The following PLCB4 variants were observed in gnomAD, a reference collection of about 807,000 sequenced individuals.
The protein encoded by PLCB4 is 1-phosphatidylinositol 4,5-bisphosphate phosphodiesterase beta-4.
Under a neutral mutation model 178.8 loss-of-function variants are expected in PLCB4, and 77 were observed. The ratio of observed to expected loss-of-function variants is 0.43; its 90% CI spans 0.36 to 0.52. The LOEUF (loss-of-function observed/expected upper bound fraction) is 0.52. Ranked by LOEUF, PLCB4 falls within the 20% of genes least tolerant of loss-of-function variation. The pLI is 0.00. For synonymous variants in PLCB4, 496 were observed against 490.8 expected, an observed-to-expected ratio of 1.01 and a Z score of -0.14; for missense variants, 1,024 against 1,453.4, an observed-to-expected ratio of 0.70 and a Z score of 4.80.
chr20:9,316,296 C>T (rs1321330953), intron 4 of PLCB4, among the ~76,000 whole-genome samples: 1 of 152,136 alleles, frequency 6.6e-6, no homozygotes, highest in Non-Finnish European at 1.5e-5. Flanking sequence ...ACAAGCCCTT[C>T]AAGGAAGTCC....
intron 35 of PLCB4, among the ~76,000 whole-genome samples, chr20:9,460,179 G>C (rs1340327655): frequency 6.6e-6 from 1 of 152,214 alleles, no homozygotes; most frequent in Non-Finnish European, 1.5e-5. Context: ...AGTTAAGTCA[G>C]ATAACAAAGT....
At chr20:9,085,611 T>A (rs2090372879) in intron 1 of PLCB4, among the ~76,000 whole-genome samples, 1 of 152,184 alleles carries the variant, frequency 6.6e-6, no homozygotes. Flanking sequence ...TACTTTTAAA[T>A]TCTGCCTTAT....
intron 3 of PLCB4, among the ~76,000 whole-genome samples, chr20:9,296,611 A>G (rs2094638453): frequency 6.6e-6 from 1 of 152,160 alleles, no homozygotes; most frequent in Admixed American, 6.5e-5. Flanking sequence ...ACCAACCCAA[A>G]TGTCCAACAA....
chr20:9,074,987 C>T (rs2089778626), intron 1 of PLCB4, among the ~76,000 whole-genome samples: 1 of 152,082 alleles, frequency 6.6e-6, no homozygotes, highest in Non-Finnish European at 1.5e-5. Context: ...CTCTGCTTTA[C>T]ATAGTATTAT....
intron 12 of PLCB4, among the ~76,000 whole-genome samples, chr20:9,374,503 G>T (rs1194054618): frequency 6.6e-6 from 1 of 152,036 alleles, no homozygotes; most frequent in African/African-American, 2.4e-5. Context: ...CATGCACTTT[G>T]GTTCAGTGAT....
intron 3 of PLCB4, among the ~76,000 whole-genome samples, chr20:9,286,326 T>C (rs1377066651): frequency 6.6e-6 from 1 of 152,042 alleles, no homozygotes; most frequent in African/African-American, 2.4e-5. Context: ...TACTTCTTTG[T>C]AAAAGTTTTG....
At chr20:9,474,213 T>TAA (rs1158108140) in intron 38 of PLCB4, among the ~76,000 whole-genome samples, 1 of 130,262 alleles carries the variant, frequency 7.7e-6, no homozygotes. Context: ...TGACTCCATC[T>TAA]CAAAAAAAAA....
intron 7 of PLCB4, among the ~76,000 whole-genome samples, chr20:9,358,681 G>A (rs942105382): frequency 1.1e-4 from 17 of 152,066 alleles, no homozygotes; most frequent in Admixed American, 7.9e-4. Flanking sequence ...GATCATCTGA[G>A]GTCAGGAGTT....
intron 9 of PLCB4, 187 bp from the exon 10 acceptor site, chr20:9,371,027 T>A: frequency 1.8e-6 from 1 of 566,176 alleles, no homozygotes; most frequent in Non-Finnish European, 3.2e-6. Flanking sequence ...ACTAACCAGC[T>A]CTGGGAACCA....
At chr20:9,473,391 C>A in intron 38 of PLCB4, 26 bp downstream of exon 38, 1 of 1,351,918 alleles carries the variant, frequency 7.4e-7, no homozygotes, top group Non-Finnish European at 1.0e-6. Flanking sequence ...TACGTAAAAA[C>A]ATGCAGGCAG....
intron 2 of PLCB4, among the ~76,000 whole-genome samples, chr20:9,196,945 T>C (rs1020499678): frequency 6.6e-6 from 1 of 152,198 alleles, no homozygotes; most frequent in Non-Finnish European, 1.5e-5. Flanking sequence ...CCAGAGGGAA[T>C]ATAAGAGATG....
At chr20:9,381,453 CAAT>C (rs1301108610) in intron 13 of PLCB4, among the ~76,000 whole-genome samples, 1 of 152,170 alleles carries the variant, frequency 6.6e-6, no homozygotes, top group African/African-American at 2.4e-5. Flanking sequence ...GAATTCAAAA[CAAT>C]AAGAAATGTC....
intron 2 of PLCB4, among the ~76,000 whole-genome samples, chr20:9,149,329 A>G (rs2092651879): frequency 6.6e-6 from 1 of 152,128 alleles, no homozygotes; most frequent in Admixed American, 6.6e-5. Context: ...GTTAGGGAAG[A>G]TAGCAGCTCT....
At chr20:9,258,398 G>C (rs1420728011) in intron 3 of PLCB4, among the ~76,000 whole-genome samples, 2 of 152,070 alleles carry the variant, frequency 1.3e-5, no homozygotes, top group African/African-American at 4.8e-5. Context: ...CCAGAAATGG[G>C]AGTGGGGTGG....
intron 7 of PLCB4, among the ~76,000 whole-genome samples, chr20:9,352,182 A>T (rs1265031839): frequency 6.6e-6 from 1 of 152,190 alleles, no homozygotes; most frequent in Non-Finnish European, 1.5e-5. Context: ...ATTTCTGGGG[A>T]TGTAGGAATG....
At chr20:9,131,474 C>A (rs191977617) in intron 2 of PLCB4, among the ~76,000 whole-genome samples, 13 of 152,254 alleles carry the variant, frequency 8.5e-5, no homozygotes, top group Admixed American at 6.5e-5. Flanking sequence ...AGATTGGCTC[C>A]TTTGAGTGCA....
At chr20:9,098,061 C>G (rs574528924) in intron 2 of PLCB4, among the ~76,000 whole-genome samples, 9 of 152,162 alleles carry the variant, frequency 5.9e-5, no homozygotes, top group Non-Finnish European at 1.3e-4. Context: ...GTTCAAAAAC[C>G]TGCTGTATGC....
chr20:9,349,043 T>G (rs1432003515), intron 7 of PLCB4, among the ~76,000 whole-genome samples: 1 of 146,846 alleles, frequency 6.8e-6, no homozygotes, highest in African/African-American at 2.5e-5. Context: ...ATGCAGAAAG[T>G]ACAGGATAGT....
chr20:9,266,583 AC>A (rs1232038285), intron 3 of PLCB4, among the ~76,000 whole-genome samples: 1 of 152,150 alleles, frequency 6.6e-6, no homozygotes, highest in East Asian at 1.9e-4. Context: ...TTTTTAAAAA[AC>A]ATTCCTTATG....
Sources: gnomAD v4.1 joint callset for allele counts (sites outside exome capture counted in the v4.1 genomes callset) on GRCh38, gnomAD v4.1.1 for gene constraint, MANE v1.5 for transcripts, NCBI Gene and HGNC (gene_info 2026-07-23, HGNC 2026-07-21) for gene names.